Variants in KCNK2 observed in about 807,000 individuals in gnomAD.
The protein encoded by KCNK2 is potassium two pore domain channel subfamily K member 2.
KCNK2 carries 21 observed loss-of-function variants against 40.5 expected under a neutral mutation model. The observed-to-expected ratio is 0.52, with a 90% CI of 0.37 to 0.75. The LOEUF is 0.75. Among genes scored for constraint, KCNK2 ranks in the 30% least tolerant of loss-of-function variants. The pLI, the probability that KCNK2 is intolerant of heterozygous loss-of-function variation, is 0.00. For synonymous variants in KCNK2, 191 were observed against 202.2 expected (o/e 0.94, Z 0.47); for missense variants, 399 against 531.6 (o/e 0.75, Z 2.45).
At chr1:215,133,878 A>T (rs1397219591) in intron 3 of KCNK2, among the ~76,000 whole-genome samples, 1 of 152,162 alleles carries the variant, frequency 6.6e-6, no homozygotes, top group African/African-American at 2.4e-5. Flanking sequence ...GATGATATGA[A>T]CTACTGAAAG....
chr1:215,012,474 CTTTTTCT>C (rs572580543), intron 1 of KCNK2, among the ~76,000 whole-genome samples: 39 of 123,514 alleles, frequency 3.2e-4, no homozygotes, highest in African/African-American at 1.0e-3. Flanking sequence ...TTTTCTTTTT[CTTTTTCT>C]TTTTTTTTTG....
In KCNK2 at chr1:215,234,849, G is replaced by A. The variant is rs897321993; in HGVS notation, c.985G>A (p.Ala329Thr). ...KEEVGEFRAH[A>T]AEWTANVTAE... Reference sequence around the variant, plus strand: ...CCAGGTGGGAGAGTTCAGAGCACACGCTGCTGAGTGGACAGCCAACGTCAC... The same window carrying A: ...CCAGGTGGGAGAGTTCAGAGCACACACTGCTGAGTGGACAGCCAACGTCAC... Residue 329 changes from alanine (A) to threonine (T), a missense_variant, in exon 7 of 7, where the codon GCT (alanine) becomes ACT (threonine). This residue lies in a region of KCNK2 where 103 missense variants were observed against 124.3 expected (regional missense o/e 0.83). Coordinates refer to ENST00000444842, the MANE Select transcript of KCNK2 (RefSeq NM_001017425.3). 6 of 1,613,128 alleles carry A rather than the reference G, an allele frequency of 3.7e-6. No individual in the cohort carries two copies. The highest frequency in any genetic ancestry group is 4.2e-6 in the Non-Finnish European group (5 of 1,179,314).
intron 6 of KCNK2, among the ~76,000 whole-genome samples, chr1:215,224,529 G>T (rs1202781801): frequency 6.6e-6 from 1 of 150,438 alleles, no homozygotes; most frequent in African/African-American, 2.4e-5. Context: ...AGTTAATAAA[G>T]ACCACTTAAA....
rs112391524 is a variant in KCNK2 at position 215,021,844 on chromosome 1, C to T, written c.34+15889C>T. On this transcript the variant is annotated intron_variant, in intron 1 of 6. Transcript: ENST00000391895. ...GATTACAGGCGTGAGCCACTGCGCC[C>T]GGCCACAACCATCTTCATCTGCCCT... Among the ~76,000 whole-genome samples, 1,255 of 152,236 alleles carry T rather than the reference C, an allele frequency of 8.2e-3. 18 individuals are homozygous for T. Among genetic ancestry groups the T allele is most frequent in the African/African-American group, 0.028 (1,178 of 41,544 alleles).
intron 6 of KCNK2, among the ~76,000 whole-genome samples, chr1:215,220,784 T>C (rs755370238): frequency 1.3e-5 from 2 of 151,108 alleles, no homozygotes; most frequent in Non-Finnish European, 2.9e-5. Context: ...TTTTGCTAAA[T>C]ACATAATGAA....
intron 1 of KCNK2, among the ~76,000 whole-genome samples, chr1:215,077,421 C>T (rs1182038351): frequency 6.6e-6 from 1 of 152,192 alleles, no homozygotes; most frequent in Non-Finnish European, 1.5e-5. Context: ...CTCCAATCTA[C>T]TCCCAACAAT....
At chr1:215,093,896 AATATATT>A (rs1385810907) in intron 2 of KCNK2, among the ~76,000 whole-genome samples, 1 of 108,160 alleles carries the variant, frequency 9.2e-6, no homozygotes, top group Admixed American at 1.5e-4. Flanking sequence ...TATATATAAA[AATATATT>A]ATATATTATA....
At chr1:215,106,003 C>T (rs1660425166) in intron 2 of KCNK2, among the ~76,000 whole-genome samples, 3 of 151,978 alleles carry the variant, frequency 2.0e-5, no homozygotes, top group South Asian at 4.1e-4. Flanking sequence ...TTGACAGGCA[C>T]CTAGATTGAT....
chr1:215,131,770 AT>A (rs1661692446), intron 3 of KCNK2, among the ~76,000 whole-genome samples: 1 of 152,006 alleles, frequency 6.6e-6, no homozygotes, highest in South Asian at 2.1e-4. Flanking sequence ...TTAGAGCAAC[AT>A]TTCTCATATT....
At chr1:215,031,645 TTCAG>T (rs144846161) in intron 1 of KCNK2, among the ~76,000 whole-genome samples, 38,145 of 151,844 alleles carry the variant, frequency 0.25, 5,638 homozygotes, top group South Asian at 0.53. Flanking sequence ...TCTTAAATAT[TTCAG>T]TCCAAAGATT....
chr1:215,122,674 A>G (rs1489144865), intron 2 of KCNK2, among the ~76,000 whole-genome samples: 1 of 152,092 alleles, frequency 6.6e-6, no homozygotes, highest in African/African-American at 2.4e-5. Flanking sequence ...GGGCAGTTGT[A>G]AATGGAAACA....
chr1:215,072,900 G>T (rs1658804980), intron 1 of KCNK2, among the ~76,000 whole-genome samples: 1 of 152,126 alleles, frequency 6.6e-6, no homozygotes, highest in Non-Finnish European at 1.5e-5. Context: ...TAATAGAAAA[G>T]ATATGCTGAA....
intron 1 of KCNK2, among the ~76,000 whole-genome samples, chr1:215,014,683 GGAA>G (rs1656523788): frequency 6.6e-6 from 1 of 152,050 alleles, no homozygotes; most frequent in South Asian, 2.1e-4. Flanking sequence ...CATCCAGCCA[GGAA>G]GACTGCTCAT....
chr1:215,200,268 A>C (rs962388452), intron 6 of KCNK2, among the ~76,000 whole-genome samples: 2 of 152,160 alleles, frequency 1.3e-5, no homozygotes, highest in Non-Finnish European at 2.9e-5. Context: ...TGAGAATGTG[A>C]AAGAACATAG....
intron 2 of KCNK2, among the ~76,000 whole-genome samples, chr1:215,113,905 C>G (rs1460953120): frequency 6.6e-6 from 1 of 152,242 alleles, no homozygotes; most frequent in Non-Finnish European, 1.5e-5. Flanking sequence ...ACAGCCCCAA[C>G]AGATATACAG....
intron 1 of KCNK2, among the ~76,000 whole-genome samples, chr1:215,058,917 A>G (rs1323699469): frequency 2.0e-5 from 3 of 152,064 alleles, no homozygotes; most frequent in Admixed American, 2.0e-4. Context: ...GGGGCTTTAG[A>G]TGACCTCTCC....
intron 5 of KCNK2, among the ~76,000 whole-genome samples, chr1:215,187,567 A>T (rs1276431711): frequency 1.3e-5 from 2 of 152,134 alleles, no homozygotes; most frequent in Non-Finnish European, 2.9e-5. Context: ...AGTGTTAGTG[A>T]TTCTTCTTCA....
intron 3 of KCNK2, among the ~76,000 whole-genome samples, chr1:215,138,818 C>T (rs2102598317): frequency 6.6e-6 from 1 of 152,290 alleles, no homozygotes. Context: ...CACTCTTTGT[C>T]TTTCTACAGT....
chr1:215,142,423 A>C (rs755811715), intron 3 of KCNK2, among the ~76,000 whole-genome samples: 1 of 152,168 alleles, frequency 6.6e-6, no homozygotes, highest in Non-Finnish European at 1.5e-5. Flanking sequence ...TTTAGTTAGA[A>C]ACTTAATAGG....
Sources: allele counts gnomAD v4.1 joint callset (sites outside exome capture counted in the v4.1 genomes callset), GRCh38; gene constraint gnomAD v4.1.1; regional missense constraint gnomAD v4.1.1; transcripts MANE v1.5; gene names NCBI Gene and HGNC (gene_info 2026-07-23, HGNC 2026-07-21).